PPP2R3A: variants seen among roughly 807,000 people sequenced by gnomAD.
The protein encoded by PPP2R3A is protein phosphatase 2 regulatory subunit B''alpha.
In PPP2R3A, 80 loss-of-function variants were observed where a neutral mutation model predicts 106.9. That is an observed-to-expected ratio of 0.75 (90% confidence interval 0.62 to 0.90). The LOEUF is 0.90. PPP2R3A is among the 40% of genes least tolerant of loss of function. PPP2R3A has a pLI of 0.00. For synonymous variants in PPP2R3A, 483 were observed against 468.3 expected (o/e 1.03, Z -0.41); for missense variants, 1,386 against 1,350.4 (o/e 1.03, Z -0.41).
chr3:136,041,729 A>G (rs1234048097), intron 4 of PPP2R3A, among the ~76,000 whole-genome samples: 1 of 152,232 alleles, frequency 6.6e-6, no homozygotes, highest in Non-Finnish European at 1.5e-5. Flanking sequence ...ATTCTAATAG[A>G]TTTTAATCAT....
At chr3:136,104,298 T>TTGTGTG (rs55839641) in intron 12 of PPP2R3A, among the ~76,000 whole-genome samples, 122 of 148,768 alleles carry the variant, frequency 8.2e-4, no homozygotes, top group African/African-American at 1.2e-3. Flanking sequence ...GTTTCTTTCT[T>TTGTGTG]TGTGTGTGTG....
chr3:136,016,500 A>G (rs1177024296), intron 2 of PPP2R3A, among the ~76,000 whole-genome samples: 1 of 152,136 alleles, frequency 6.6e-6, no homozygotes, highest in African/African-American at 2.4e-5. Flanking sequence ...TGGGAGCTCC[A>G]GTGTCAGGTG....
chr3:136,115,622 A>C (rs1198164058), intron 13 of PPP2R3A, among the ~76,000 whole-genome samples: 1 of 151,800 alleles, frequency 6.6e-6, no homozygotes, highest in East Asian at 1.9e-4. Context: ...TCAGTAGCCA[A>C]ATCGACCAAG....
chr3:136,022,817 A>C, intron 2 of PPP2R3A: 1 of 1,252,874 alleles, frequency 8.0e-7, no homozygotes, highest in Non-Finnish European at 1.0e-6. Context: ...GGCCCACTGC[A>C]GGCTGTGTTT....
At position 136,106,245 on chromosome 3, in the gene PPP2R3A, A is replaced by T; in HGVS notation, c.3252A>T (p.Ser1084=). 6.2e-7 allele frequency: 1 copy of T among 1,609,356 alleles called. No homozygotes were observed. Among genetic ancestry groups the T allele is most frequent in the East Asian group, 2.2e-5 (1 of 44,832 alleles). ...KDVENDGPEP[S]DWDRFAAEEY... ...TTGAGAACGATGGGCCTGAGCCCTC[A>T]GACTGGGACCGGTTTGCCGCTGAGG... The change falls in exon 13 of 14, where the codon TCA becomes TCT. Residue 1084 remains serine (S), a synonymous_variant. Coordinates refer to ENST00000264977, the MANE Select transcript of PPP2R3A (RefSeq NM_002718.5).
At chr3:136,125,837 A>T (rs1435929351) in intron 13 of PPP2R3A, among the ~76,000 whole-genome samples, 1 of 152,238 alleles carries the variant, frequency 6.6e-6, no homozygotes, top group Non-Finnish European at 1.5e-5. Context: ...GCTTATTCAA[A>T]AATCAATGTA....
intron 8 of PPP2R3A, among the ~76,000 whole-genome samples, chr3:136,087,245 G>GTCTCTCTCTCTCTCTCTCCCTCTCTC (rs1936965656): frequency 1.1e-4 from 8 of 75,078 alleles, no homozygotes; most frequent in Non-Finnish European, 1.8e-4. Context: ...CTCTAGTCGT[G>GTCTCTCTCTCTCTCTCTCCCTCTCTC]TCTCTCTCTC....
At chr3:136,090,764 G>A (rs543091494) in intron 10 of PPP2R3A, 97 bp downstream of exon 10, 8 of 883,422 alleles carry the variant, frequency 9.1e-6, no homozygotes, top group African/African-American at 3.3e-5. Flanking sequence ...CCAACTCAAC[G>A]TGGCAATACT....
chr3:136,105,661 A>T (rs1430466817), intron 12 of PPP2R3A, among the ~76,000 whole-genome samples: 3 of 139,232 alleles, frequency 2.2e-5, no homozygotes, highest in Admixed American at 6.8e-5. Context: ...TATCTCTTTT[A>T]AAAAAAAGAG....
At chr3:135,966,514 C>T (rs1168596630) in intron 1 of PPP2R3A, among the ~76,000 whole-genome samples, 1 of 152,158 alleles carries the variant, frequency 6.6e-6, no homozygotes, top group Non-Finnish European at 1.5e-5. Context: ...CCGCCGCCGC[C>T]GCGGAGGGGC....
intron 6 of PPP2R3A, among the ~76,000 whole-genome samples, chr3:136,071,825 T>G (rs1936437238): frequency 6.6e-6 from 1 of 152,172 alleles, no homozygotes; most frequent in Middle Eastern, 3.2e-3. Flanking sequence ...TCAGCCACCA[T>G]GAGCAAACCA....
At chr3:136,048,410 C>T (rs1480538238) in intron 4 of PPP2R3A, among the ~76,000 whole-genome samples, 1 of 152,138 alleles carries the variant, frequency 6.6e-6, no homozygotes, top group Non-Finnish European at 1.5e-5. Flanking sequence ...CCGTGGCTCA[C>T]GCCTGTAATC....
chr3:136,023,102 C>A, intron 2 of PPP2R3A: 1 of 1,613,412 alleles, frequency 6.2e-7, no homozygotes. Context: ...TACGAAGGGA[C>A]CCGGATTTAA....
At chr3:136,139,208 A>G (rs1938751494) in intron 13 of PPP2R3A, among the ~76,000 whole-genome samples, 1 of 152,162 alleles carries the variant, frequency 6.6e-6, no homozygotes, top group Non-Finnish European at 1.5e-5. Context: ...TGTCCCAGTC[A>G]TTATCTCTGC....
intron 1 of PPP2R3A, among the ~76,000 whole-genome samples, chr3:135,997,477 G>A (rs1449509178): frequency 6.6e-6 from 1 of 152,068 alleles, no homozygotes; most frequent in Non-Finnish European, 1.5e-5. Flanking sequence ...TCAGTCCAGA[G>A]CTCCCCTCAC....
At chr3:136,135,492 C>T (rs574766342) in intron 13 of PPP2R3A, among the ~76,000 whole-genome samples, 10 of 152,228 alleles carry the variant, frequency 6.6e-5, no homozygotes, top group African/African-American at 2.2e-4. Context: ...CAGGGAGAGT[C>T]TAATTGTCAA....
At chr3:135,985,808 A>G (rs1188053709) in intron 1 of PPP2R3A, among the ~76,000 whole-genome samples, 1 of 152,208 alleles carries the variant, frequency 6.6e-6, no homozygotes, top group Non-Finnish European at 1.5e-5. Context: ...TCAAGAAACT[A>G]AGGACAGAAT....
intron 1 of PPP2R3A, among the ~76,000 whole-genome samples, chr3:135,973,803 G>T (rs1178509223): frequency 3.9e-5 from 6 of 152,158 alleles, no homozygotes; most frequent in African/African-American, 1.2e-4. Flanking sequence ...ATCACTATGT[G>T]CCAGGCACTG....
Position 136,145,208 on chromosome 3 carries a change from GTTTC to G in PPP2R3A, c.*49_*52del. ...TGAAACGAAGATGTGTATTTTAAAT[GTTTC>G]TTTCTTGTGAAGAGATGTTCTCGTT... On this transcript the variant is annotated 3_prime_UTR_variant, in exon 14 of 14. Coordinates refer to ENST00000264977, the MANE Select transcript of PPP2R3A (RefSeq NM_002718.5). 6.4e-7 allele frequency: 1 copy of G among 1,573,150 alleles called. No individual in the cohort carries two copies. Among genetic ancestry groups the G allele is most frequent in the Non-Finnish European group, 8.6e-7 (1 of 1,162,930 alleles).
Sources: allele counts gnomAD v4.1 joint callset (sites outside exome capture counted in the v4.1 genomes callset), GRCh38; gene constraint gnomAD v4.1.1; transcripts MANE v1.5; gene names NCBI Gene and HGNC (gene_info 2026-07-23, HGNC 2026-07-21).